The following NTN1 variants were observed in gnomAD, a reference collection of about 807,000 sequenced individuals.
NTN1 encodes the protein netrin-1.
NTN1 carries 11 observed loss-of-function variants against 54.2 expected under a neutral mutation model. That is an observed-to-expected ratio of 0.20 (90% CI 0.13 to 0.34). The LOEUF (loss-of-function observed/expected upper bound fraction) is 0.34, where lower values mean the gene tolerates loss of function less well. Among genes scored for constraint, NTN1 ranks in the 10% least tolerant of loss-of-function variants. The pLI is 1.00. For missense variants in NTN1, 740 were observed against 893.1 expected (o/e 0.83, Z 2.18); for synonymous variants, 371 against 382.0 (o/e 0.97, Z 0.33).
intron 5 of NTN1, among the ~76,000 whole-genome samples, chr17:9,201,402 T>TA (rs1165562484): frequency 6.6e-6 from 1 of 152,144 alleles, no homozygotes; most frequent in Non-Finnish European, 1.5e-5. Context: ...AGTGGGTGAT[T>TA]TGGACCTCAG....
At chr17:9,226,375 C>T (rs901647313) in intron 6 of NTN1, among the ~76,000 whole-genome samples, 1 of 151,742 alleles carries the variant, frequency 6.6e-6, no homozygotes, top group South Asian at 2.1e-4. Flanking sequence ...CTGTGCCCCC[C>T]GCCCACAGCA....
At chr17:9,080,800 C>T (rs2092068083) in intron 2 of NTN1, among the ~76,000 whole-genome samples, 1 of 152,204 alleles carries the variant, frequency 6.6e-6, no homozygotes, top group Non-Finnish European at 1.5e-5. Context: ...CATAAAAACT[C>T]AGAAGGACAG....
intron 5 of NTN1, among the ~76,000 whole-genome samples, chr17:9,198,076 C>T (rs1410574268): frequency 6.6e-6 from 1 of 152,134 alleles, no homozygotes; most frequent in Non-Finnish European, 1.5e-5. Context: ...CTTTAATTCT[C>T]CCCAGAACCT....
chr17:9,139,655 C>G, intron 2 of NTN1, among the ~76,000 whole-genome samples: 1 of 152,208 alleles, frequency 6.6e-6, no homozygotes, highest in Non-Finnish European at 1.5e-5. Context: ...AGAAAGAAGA[C>G]ATCACCCTCG....
At chr17:9,026,744 G>A (rs920175951) in intron 2 of NTN1, among the ~76,000 whole-genome samples, 3 of 151,376 alleles carry the variant, frequency 2.0e-5, no homozygotes, top group African/African-American at 4.9e-5. Context: ...TCCCCCTGAC[G>A]TCGGAGCTGT....
At chr17:9,118,088 T>G (rs1158846025) in intron 2 of NTN1, among the ~76,000 whole-genome samples, 1 of 152,344 alleles carries the variant, frequency 6.6e-6, no homozygotes, top group East Asian at 1.9e-4. Context: ...ACTGACTCCC[T>G]CTGTGCCTCA....
chr17:9,034,949 T>C (rs901997499), intron 2 of NTN1, among the ~76,000 whole-genome samples: 1 of 152,030 alleles, frequency 6.6e-6, no homozygotes, highest in Non-Finnish European at 1.5e-5. Context: ...TATTTTTTAT[T>C]TATTTGTTAT....
Position 9,207,423 on chromosome 17 carries a change from C to G in NTN1, c.1412-13745C>G, listed in dbSNP as rs1285258891. 2.0e-5 allele frequency among the ~76,000 whole-genome samples: 3 copies of G among 152,220 alleles called. No homozygotes were observed. In the East Asian group the frequency reaches 5.8e-4, roughly 29 times the overall value. ...CTAGAGTAAAGATAATGAGAGCCAA[C>G]ATTTTTTAGTGCCTGTCATGTCGGG... On this transcript the variant is annotated intron_variant, in intron 5 of 6. Transcript: ENST00000173229.
chr17:9,184,480 T>G (rs964285608), intron 5 of NTN1, among the ~76,000 whole-genome samples: 3 of 152,202 alleles, frequency 2.0e-5, no homozygotes, highest in Non-Finnish European at 4.4e-5. Context: ...AGAAGACACT[T>G]AAATGAAACT....
chr17:9,068,416 C>G (rs1026275236), intron 2 of NTN1, among the ~76,000 whole-genome samples: 2 of 152,090 alleles, frequency 1.3e-5, no homozygotes, highest in African/African-American at 4.8e-5. Flanking sequence ...AACTCCTAGG[C>G]TCAAGGGATC....
chr17:9,210,448 A>ACC (rs879895362), intron 5 of NTN1, among the ~76,000 whole-genome samples: 1,149 of 75,016 alleles, frequency 0.015, 7 homozygotes, highest in Middle Eastern at 0.038. Flanking sequence ...CCACACCCAC[A>ACC]CACACACACA....
rs1384356964 is a variant in NTN1 at position 9,212,531 on chromosome 17, A to G, written c.1412-8637A>G. ...TGCCTTTTGTCACCTGCTGGTGGGCAGAATGGCCCAGCCGAAATGGACAGA... is the reference window on the plus strand; with the variant it reads ...TGCCTTTTGTCACCTGCTGGTGGGCGGAATGGCCCAGCCGAAATGGACAGA... On this transcript the variant is annotated intron_variant, in intron 5 of 6. Coordinates refer to ENST00000173229, the MANE Select transcript of NTN1 (RefSeq NM_004822.3). This position sits in a 1 kb window ranked among gnomAD's most constrained non-coding sequence, Gnocchi z 5.5. Among the ~76,000 whole-genome samples the G allele has an allele frequency of 6.6e-6, 1 of 152,208 alleles. No homozygotes were observed. The highest frequency in any genetic ancestry group is 2.4e-5 in the African/African-American group (1 of 41,446).
intron 3 of NTN1, among the ~76,000 whole-genome samples, chr17:9,178,504 C>T (rs924048603): frequency 4.6e-5 from 7 of 152,386 alleles, no homozygotes; most frequent in East Asian, 1.9e-4. Context: ...GGCCCGAGGC[C>T]GGCTGGGCTG....
chr17:9,046,719 C>T (rs773469052), intron 2 of NTN1, among the ~76,000 whole-genome samples: 3 of 151,790 alleles, frequency 2.0e-5, no homozygotes, highest in East Asian at 1.9e-4. Flanking sequence ...CCCAGGAGGT[C>T]GAGTTACAGT....
chr17:9,118,792 G>A (rs374765996), intron 2 of NTN1, among the ~76,000 whole-genome samples: 92 of 152,170 alleles, frequency 6.0e-4, no homozygotes, highest in Middle Eastern at 3.4e-3. Flanking sequence ...ATACTCTCTA[G>A]GTCTATCCAG....
chr17:9,088,114 A>C (rs941441808), intron 2 of NTN1, among the ~76,000 whole-genome samples: 1 of 152,148 alleles, frequency 6.6e-6, no homozygotes, highest in African/African-American at 2.4e-5. Context: ...CAGCTCACCA[A>C]GCTGGCATTG....
chr17:9,022,367 A>G lies in NTN1; in HGVS notation c.-7A>G, dbSNP rs939886418. ...GCGCGGCAGGGCCGGGGCAAGCTGG[A>G]CGCAGCATGATGCGCGCAGTGTGGG... On this transcript the variant is annotated 5_prime_UTR_variant, in exon 2 of 7. Transcript: ENST00000173229. The G allele has an allele frequency of 3.8e-6, 5 of 1,298,856 alleles. No individual in the cohort carries two copies. The African/African-American group carries it at 7.8e-5, about 20-fold the overall frequency. The allele number at this position is 1,298,856 out of a possible 1,614,324, so 80.5% of individuals were successfully genotyped here.
At chr17:9,226,023 G>A (rs1190329438) in intron 6 of NTN1, among the ~76,000 whole-genome samples, 1 of 152,156 alleles carries the variant, frequency 6.6e-6, no homozygotes, top group Non-Finnish European at 1.5e-5. Context: ...AGGCTGGGGC[G>A]GTGGGGGCCC....
chr17:9,019,472 A>G (rs752067933), upstream of NTN1, among the ~76,000 whole-genome samples: 1 of 152,366 alleles, frequency 6.6e-6, no homozygotes. Flanking sequence ...TTCTATATGC[A>G]TGTACTATGT....
Sources: gnomAD v4.1 joint callset for allele counts (sites outside exome capture counted in the v4.1 genomes callset) on GRCh38, gnomAD v4.1.1 for gene constraint, Gnocchi (gnomAD v3.1) non-coding constraint, MANE v1.5 for transcripts, NCBI Gene and HGNC (gene_info 2026-07-23, HGNC 2026-07-21) for gene names.